AGBL4: variants seen among roughly 807,000 people sequenced by gnomAD.
AGBL4 encodes cytosolic carboxypeptidase 6.
A neutral mutation model predicts 66.4 loss-of-function variants in AGBL4; 58 were observed. The ratio of observed to expected loss-of-function variants is 0.87; its 90% CI spans 0.71 to 1.09. The LOEUF is 1.09. AGBL4 is among the 50% of genes least tolerant of loss of function. The pLI is 0.00. For synonymous variants in AGBL4, 234 were observed against 222.9 expected, an observed-to-expected ratio of 1.05 and a Z score of -0.44; for missense variants, 579 against 631.0, an observed-to-expected ratio of 0.92 and a Z score of 0.88.
chr1:49,470,737 G>A (rs1346376851), intron 3 of AGBL4, among the ~76,000 whole-genome samples: 3 of 151,868 alleles, frequency 2.0e-5, no homozygotes, highest in African/African-American at 4.8e-5. Context: ...AATAAATTTC[G>A]GCATAATCTG....
At chr1:49,610,273 C>G (rs1159845776) in intron 3 of AGBL4, among the ~76,000 whole-genome samples, 3 of 152,034 alleles carry the variant, frequency 2.0e-5, no homozygotes, top group Non-Finnish European at 2.9e-5. Flanking sequence ...GTTATTTTCC[C>G]TATTTTTACA....
At chr1:48,718,038 G>T (rs78052939) in intron 6 of AGBL4, among the ~76,000 whole-genome samples, 3,193 of 152,252 alleles carry the variant, frequency 0.021, 114 homozygotes, top group African/African-American at 0.071. Flanking sequence ...GAAAGCATCG[G>T]CATGCTCCTG....
chr1:49,469,982 T>C (rs1646709416), intron 3 of AGBL4: 1 of 151,934 alleles, frequency 6.6e-6, no homozygotes, highest in Admixed American at 6.6e-5. Context: ...AATGATTCAA[T>C]ATCCCCTAGT....
intron 1 of AGBL4, among the ~76,000 whole-genome samples, chr1:50,002,232 C>G (rs557818604): frequency 1.3e-5 from 2 of 152,164 alleles, no homozygotes; most frequent in East Asian, 3.9e-4. Context: ...GTCAAATACA[C>G]CAAAGGTAAT....
chr1:49,662,163 A>G (rs1454817337), intron 3 of AGBL4, among the ~76,000 whole-genome samples: 7 of 151,306 alleles, frequency 4.6e-5, no homozygotes, highest in Non-Finnish European at 8.8e-5. Context: ...GGGCTAATGA[A>G]TATTTTCATT....
chr1:48,640,740 A>T (rs532044911), intron 8 of AGBL4, among the ~76,000 whole-genome samples: 20 of 152,274 alleles, frequency 1.3e-4, no homozygotes, highest in Admixed American at 5.2e-4. Flanking sequence ...TTTATAAAAG[A>T]GACACTAAGC....
intron 2 of AGBL4, among the ~76,000 whole-genome samples, chr1:49,834,420 G>A (rs186030587): frequency 2.0e-5 from 3 of 152,240 alleles, no homozygotes; most frequent in South Asian, 2.1e-4. Context: ...TGTGGGATCT[G>A]TGGTGATATC....
At chr1:49,039,602 C>T (rs967243795) in intron 5 of AGBL4, among the ~76,000 whole-genome samples, 1 of 152,118 alleles carries the variant, frequency 6.6e-6, no homozygotes, top group African/African-American at 2.4e-5. Context: ...AAAGATTAGT[C>T]TTTTCAACAA....
At chr1:49,083,652 A>C (rs188145236) in intron 4 of AGBL4, among the ~76,000 whole-genome samples, 113 of 152,314 alleles carry the variant, frequency 7.4e-4, no homozygotes, top group Non-Finnish European at 7.6e-4. Flanking sequence ...GAAGTTTTCC[A>C]ACATGCTCTG....
chr1:49,454,506 T>G (rs962815235), intron 3 of AGBL4, among the ~76,000 whole-genome samples: 8 of 151,748 alleles, frequency 5.3e-5, no homozygotes, highest in African/African-American at 1.9e-4. Context: ...TTTCCTGTAT[T>G]CTTTTCAACT....
chr1:49,367,056 A>T (rs1322968140), intron 3 of AGBL4, among the ~76,000 whole-genome samples: 1 of 152,200 alleles, frequency 6.6e-6, no homozygotes, highest in Non-Finnish European at 1.5e-5. Flanking sequence ...CCCATCTGAC[A>T]TCTGGAAGCT....
intron 1 of AGBL4, among the ~76,000 whole-genome samples, chr1:49,967,946 G>A (rs765162175): frequency 3.3e-5 from 5 of 152,048 alleles, no homozygotes; most frequent in Middle Eastern, 3.2e-3. Flanking sequence ...CATCAGGGCC[G>A]GGCATGGTGG....
chr1:49,355,627 G>C (rs1355887567), intron 3 of AGBL4, among the ~76,000 whole-genome samples: 1 of 152,138 alleles, frequency 6.6e-6, no homozygotes, highest in African/African-American at 2.4e-5. Context: ...AGCCTACAAG[G>C]CTCTATGGTA....
chr1:49,265,425 G>C (rs537998323), intron 3 of AGBL4, among the ~76,000 whole-genome samples: 4 of 152,250 alleles, frequency 2.6e-5, no homozygotes, highest in African/African-American at 9.6e-5. Context: ...ATATGGTATG[G>C]GGCTGAGTTG....
At chr1:49,077,043 C>T (rs1210668395) in intron 4 of AGBL4, among the ~76,000 whole-genome samples, 1 of 152,004 alleles carries the variant, frequency 6.6e-6, no homozygotes, top group African/African-American at 2.4e-5. Flanking sequence ...CTACAATTTT[C>T]CTAAGAGGCT....
chr1:49,432,025 A>T (rs756596184), intron 3 of AGBL4, among the ~76,000 whole-genome samples: 1 of 152,144 alleles, frequency 6.6e-6, no homozygotes, highest in African/African-American at 2.4e-5. Flanking sequence ...AAGCATGACA[A>T]AATAATGAAG....
At chr1:49,285,556 C>T (rs190150225) in intron 3 of AGBL4, among the ~76,000 whole-genome samples, 5 of 152,110 alleles carry the variant, frequency 3.3e-5, no homozygotes, top group African/African-American at 9.6e-5. Context: ...CACAAAAAAC[C>T]CTTCAAAAAA....
chr1:49,984,998 T>G (rs1201646665), intron 1 of AGBL4, among the ~76,000 whole-genome samples: 1 of 152,120 alleles, frequency 6.6e-6, no homozygotes, highest in Admixed American at 6.5e-5. Flanking sequence ...ACACAGACAA[T>G]TGTGAGAAAA....
intron 4 of AGBL4, among the ~76,000 whole-genome samples, chr1:49,083,522 C>A (rs1260855074): frequency 1.3e-5 from 2 of 152,224 alleles, no homozygotes; most frequent in African/African-American, 2.4e-5. Context: ...TTAGCCACAG[C>A]TGGAGAGGTT....
Sources: allele counts gnomAD v4.1 joint callset (sites outside exome capture counted in the v4.1 genomes callset), GRCh38; gene constraint gnomAD v4.1.1; transcripts MANE v1.5; gene names NCBI Gene and HGNC (gene_info 2026-07-23, HGNC 2026-07-21).